The following PABPC4L variants were observed in gnomAD, a reference collection of about 807,000 sequenced individuals.
PABPC4L encodes polyadenylate-binding protein 4-like.
For synonymous variants in PABPC4L, 169 were observed against 164.1 expected, an observed-to-expected ratio of 1.03 and a Z score of -0.23; for missense variants, 452 against 451.4, an observed-to-expected ratio of 1.00 and a Z score of -0.01.
the PABPC4L span, among the ~76,000 whole-genome samples, chr4:133,975,409 A>C: frequency 6.6e-6 from 1 of 152,154 alleles, no homozygotes; most frequent in Non-Finnish European, 1.5e-5. Flanking sequence ...AGAATAAGAT[A>C]TAATGGTAGC....
the PABPC4L span, among the ~76,000 whole-genome samples, chr4:133,969,239 T>C: frequency 3.4e-4 from 52 of 152,352 alleles, no homozygotes; most frequent in African/African-American, 1.2e-3. Context: ...GAGATTGCTT[T>C]AATCAATACC....
the PABPC4L span, among the ~76,000 whole-genome samples, chr4:134,083,450 TCTCAGATA>T: frequency 1.3e-5 from 2 of 152,144 alleles, no homozygotes; most frequent in Non-Finnish European, 2.9e-5. Context: ...CTCACATTCC[TCTCAGATA>T]CATTTTTAAA....
the PABPC4L span, among the ~76,000 whole-genome samples, chr4:134,042,276 ACAT>A: frequency 6.6e-6 from 1 of 152,010 alleles, no homozygotes; most frequent in Non-Finnish European, 1.5e-5. Context: ...GGTACAATGG[ACAT>A]TGGAGACTAG....
At chr4:134,140,682 C>T in the PABPC4L span, among the ~76,000 whole-genome samples, 1 of 151,844 alleles carries the variant, frequency 6.6e-6, no homozygotes, top group Non-Finnish European at 1.5e-5. Context: ...TTTTCAAACC[C>T]TGATCTACGT....
the PABPC4L span, among the ~76,000 whole-genome samples, chr4:134,169,255 T>G: frequency 3.9e-5 from 6 of 152,022 alleles, no homozygotes; most frequent in African/African-American, 1.4e-4. Context: ...CTACATCTCT[T>G]TATGATAAAA....
the PABPC4L span, among the ~76,000 whole-genome samples, chr4:134,085,086 G>T: frequency 6.6e-6 from 1 of 151,994 alleles, no homozygotes; most frequent in East Asian, 1.9e-4. Context: ...GCTCCTCCTA[G>T]TGAGCAGGTG....
the PABPC4L span, among the ~76,000 whole-genome samples, chr4:134,156,560 G>A: frequency 1.3e-5 from 2 of 151,802 alleles, no homozygotes; most frequent in Non-Finnish European, 3.0e-5. Context: ...ATTCTGGAAA[G>A]AGAAACAATT....
the PABPC4L span, among the ~76,000 whole-genome samples, chr4:134,142,558 C>A: frequency 4.0e-5 from 6 of 151,484 alleles, no homozygotes; most frequent in East Asian, 7.8e-4. Context: ...ATATTCTATG[C>A]CTCATATAAA....
chr4:134,156,492 C>T, the PABPC4L span, among the ~76,000 whole-genome samples: 1 of 151,848 alleles, frequency 6.6e-6, no homozygotes, highest in Non-Finnish European at 1.5e-5. Flanking sequence ...CAGAAACCAT[C>T]ATATCCATCA....
At chr4:134,101,879 G>C in the PABPC4L span, among the ~76,000 whole-genome samples, 1 of 151,392 alleles carries the variant, frequency 6.6e-6, no homozygotes, top group Non-Finnish European at 1.5e-5. Flanking sequence ...CTGATTTTAA[G>C]TTATATACAA....
chr4:133,980,234 G>T, the PABPC4L span, among the ~76,000 whole-genome samples: 1 of 152,004 alleles, frequency 6.6e-6, no homozygotes, highest in East Asian at 1.9e-4. Context: ...CAAAATCTAG[G>T]CTTCTTATAT....
the PABPC4L span, among the ~76,000 whole-genome samples, chr4:133,966,479 C>A: frequency 8.5e-5 from 13 of 152,150 alleles, no homozygotes; most frequent in Non-Finnish European, 1.6e-4. Context: ...AAAAAGAAGG[C>A]ATTACACGTA....
the PABPC4L span, among the ~76,000 whole-genome samples, chr4:134,065,816 G>A: frequency 6.2e-3 from 946 of 152,068 alleles, 10 homozygotes; most frequent in African/African-American, 0.021. Context: ...GAAGGGATCC[G>A]GTTTTAATCT....
At chr4:134,186,360 G>T in the PABPC4L span, among the ~76,000 whole-genome samples, 4 of 152,204 alleles carry the variant, frequency 2.6e-5, no homozygotes, top group Non-Finnish European at 5.9e-5. Context: ...CAATGGAACA[G>T]AATAGAGTCC....
At chr4:134,056,734 A>G in the PABPC4L span, among the ~76,000 whole-genome samples, 1 of 152,050 alleles carries the variant, frequency 6.6e-6, no homozygotes, top group Non-Finnish European at 1.5e-5. Flanking sequence ...TATGTATTTA[A>G]TACCCTCCAA....
At chr4:134,012,179 C>T in the PABPC4L span, among the ~76,000 whole-genome samples, 3 of 152,060 alleles carry the variant, frequency 2.0e-5, no homozygotes, top group African/African-American at 4.8e-5. Flanking sequence ...CCTAGCTATA[C>T]AATTTTTTAA....
At chr4:134,132,448 AAACATATGAAAAAATGCTC>A in the PABPC4L span, among the ~76,000 whole-genome samples, 568 of 152,174 alleles carry the variant, frequency 3.7e-3, 2 homozygotes, top group African/African-American at 0.013. Flanking sequence ...AATGGCAAAT[AAACATATGAAAAAATGCTC>A]AACATCACCA....
chr4:134,007,482 C>T, the PABPC4L span, among the ~76,000 whole-genome samples: 4 of 151,616 alleles, frequency 2.6e-5, no homozygotes, highest in Non-Finnish European at 5.9e-5. Flanking sequence ...AAATGCTTTA[C>T]ATATATTATC....
At chr4:134,095,181 G>A in the PABPC4L span, among the ~76,000 whole-genome samples, 1 of 151,502 alleles carries the variant, frequency 6.6e-6, no homozygotes, top group African/African-American at 2.4e-5. Flanking sequence ...TGATTTTTAA[G>A]AGATCTGTAA....
Sources: allele counts gnomAD v4.1 joint callset (sites outside exome capture counted in the v4.1 genomes callset), GRCh38; gene constraint gnomAD v4.1.1; transcripts MANE v1.5; gene names NCBI Gene and HGNC (gene_info 2026-07-23, HGNC 2026-07-21).